The following SAMD4B variants were observed in gnomAD, a reference collection of about 807,000 sequenced individuals.
SAMD4B encodes protein Smaug homolog 2.
In SAMD4B, 5 loss-of-function variants were observed where a neutral mutation model predicts 74.5. The ratio of observed to expected loss-of-function variants is 0.07; its 90% CI spans 0.04 to 0.14. The LOEUF (loss-of-function observed/expected upper bound fraction) is 0.14, where lower values mean the gene tolerates loss of function less well. SAMD4B is among the 10% of genes least tolerant of loss of function. The pLI is 1.00. For synonymous variants in SAMD4B, 373 were observed against 374.9 expected, an observed-to-expected ratio of 1.00 and a Z score of 0.06; for missense variants, 608 against 921.8, an observed-to-expected ratio of 0.66 and a Z score of 4.41.
chr19:39,343,844 G>A (rs1035289168), intron 1 of SAMD4B, among the ~76,000 whole-genome samples: 6 of 151,662 alleles, frequency 4.0e-5, no homozygotes, highest in African/African-American at 9.7e-5. Context: ...CTCAGATCCC[G>A]TAGAACTCCC....
At position 39,385,564 on chromosome 19, in the gene SAMD4B, C is replaced by A; in HGVS notation, c.*2037C>A. ...CACCCTCCCTACCCACTTCTGTCCCCGGCCCCACTGGCAGAATCAGCTTTG... is the reference window on the plus strand; with the variant it reads ...CACCCTCCCTACCCACTTCTGTCCCAGGCCCCACTGGCAGAATCAGCTTTG... On this transcript the variant is annotated 3_prime_UTR_variant, in exon 14 of 14. Transcript: ENST00000610417. The A allele has an allele frequency of 2.0e-6, 1 of 499,458 alleles. No homozygotes were observed. Among genetic ancestry groups the A allele is most frequent in the Non-Finnish European group, 3.5e-6 (1 of 286,828 alleles). 30.9% of individuals were successfully genotyped at this position (499,458 alleles called of 1,614,324 possible).
chr19:39,349,151 A>C (rs1308946514), intron 1 of SAMD4B, among the ~76,000 whole-genome samples: 2 of 152,204 alleles, frequency 1.3e-5, no homozygotes, highest in Admixed American at 6.5e-5. Context: ...TGTGTAGCTG[A>C]CATTAAGAAA....
At chr19:39,360,280 C>G (rs572340937) in intron 3 of SAMD4B, 1 of 152,178 alleles carries the variant, frequency 6.6e-6, no homozygotes, top group Non-Finnish European at 1.5e-5. Flanking sequence ...ACCTGAGGCC[C>G]GTTCCCAGAT....
intron 1 of SAMD4B, chr19:39,352,538 T>G (rs1461538346): frequency 6.6e-6 from 1 of 151,512 alleles, no homozygotes; most frequent in East Asian, 1.9e-4. Flanking sequence ...GGACCCACAT[T>G]CCTTCATGGT....
chr19:39,364,188 A>G (rs1429484379), intron 3 of SAMD4B, among the ~76,000 whole-genome samples: 1 of 152,250 alleles, frequency 6.6e-6, no homozygotes, highest in East Asian at 1.9e-4. Context: ...GTCCCCTGGC[A>G]GTACCAGAGA....
At position 39,353,342 on chromosome 19, in the gene SAMD4B, A is replaced by C. The variant is rs551513830; in HGVS notation, c.-266-664A>C. 2.6e-5 allele frequency among the ~76,000 whole-genome samples: 4 copies of C among 152,330 alleles called. No homozygotes were observed. In the South Asian group the frequency reaches 8.3e-4, roughly 32 times the overall value. ...AATATGTATTCACTTGCAACTAGTG[A>C]AGTAGTACAAAGTTATATAAAGATA... On this transcript the variant is annotated intron_variant, in intron 1 of 13. Transcript: ENST00000610417.
intron 3 of SAMD4B, among the ~76,000 whole-genome samples, chr19:39,365,242 T>TAAAA (rs57136164): frequency 7.7e-5 from 7 of 90,886 alleles, no homozygotes; most frequent in Admixed American, 1.3e-4. Context: ...CGAGACTCCG[T>TAAAA]AAAAAAAAAA....
Position 39,378,633 on chromosome 19 carries a change from G to T in SAMD4B, c.1530+44G>T. On this transcript the variant is annotated intron_variant, in intron 9 of 13. Transcript: ENST00000610417. This position sits in a 1 kb window ranked among gnomAD's most constrained non-coding sequence, Gnocchi z 4.4. ...TACTCAAAAAGGGAAAGGCGGCCAG[G>T]CGTGGTGGTTCACGCCTGTAGTCCC... is the stretch of plus-strand genomic sequence containing the variant. The T allele has an allele frequency of 6.3e-7, 1 of 1,577,004 alleles. No homozygotes were observed. The highest frequency in any genetic ancestry group is 1.1e-5 in the South Asian group (1 of 90,114).
Position 39,375,999 on chromosome 19 carries a change from A to G in SAMD4B, c.907+110A>G, listed in dbSNP as rs538356050. ...CTGCTTACCCCTCTGAGGAGGGGAC[A>G]TGTCTGAGGGGAGTAGATAGTCCCT... On this transcript the variant is annotated intron_variant, in intron 5 of 13. Transcript: ENST00000610417. This position sits in a 1 kb window ranked among gnomAD's most constrained non-coding sequence, Gnocchi z 4.1. The G allele has an allele frequency of 9.3e-6, 13 of 1,398,684 alleles. No individual in the cohort carries two copies. Among genetic ancestry groups the G allele is most frequent in the Admixed American group, 4.3e-5 (2 of 46,778 alleles). The allele number at this position is 1,398,684 out of a possible 1,614,324, so 86.6% of individuals were successfully genotyped here.
At chr19:39,370,816 G>C (rs917909149) in intron 4 of SAMD4B, among the ~76,000 whole-genome samples, 1 of 152,200 alleles carries the variant, frequency 6.6e-6, no homozygotes, top group Admixed American at 6.5e-5. Context: ...CACTTTTCAG[G>C]TATGATCTCA....
At chr19:39,358,212 A>T (rs1354547958) in intron 3 of SAMD4B, among the ~76,000 whole-genome samples, 1 of 152,210 alleles carries the variant, frequency 6.6e-6, no homozygotes, top group Non-Finnish European at 1.5e-5. Flanking sequence ...CGGAGGTTGC[A>T]GTGAGCCAAA....
intron 3 of SAMD4B, among the ~76,000 whole-genome samples, chr19:39,363,929 A>C (rs1017380625): frequency 3.3e-5 from 5 of 152,118 alleles, no homozygotes; most frequent in Non-Finnish European, 5.9e-5. Flanking sequence ...TTCCATCCCC[A>C]CCCATTATTT....
At chr19:39,365,242 TA>T (rs57136164) in intron 3 of SAMD4B, among the ~76,000 whole-genome samples, 10,616 of 90,870 alleles carry the variant, frequency 0.12, 1,297 homozygotes, top group African/African-American at 0.35. Context: ...CGAGACTCCG[TA>T]AAAAAAAAAA....
At chr19:39,371,816 C>CA (rs35567892) in intron 4 of SAMD4B, among the ~76,000 whole-genome samples, 4,303 of 124,286 alleles carry the variant, frequency 0.035, 77 homozygotes, top group Middle Eastern at 0.091. Context: ...GACCCCATCT[C>CA]AAAAAAAAAA....
chr19:39,342,998 C>T (rs1480024435), intron 1 of SAMD4B, among the ~76,000 whole-genome samples: 2 of 151,888 alleles, frequency 1.3e-5, no homozygotes, highest in African/African-American at 4.8e-5. Flanking sequence ...AGCAGCTTTC[C>T]TCGCAGACCC....
At chr19:39,352,772 C>T (rs2076124093) in intron 1 of SAMD4B, among the ~76,000 whole-genome samples, 1 of 152,028 alleles carries the variant, frequency 6.6e-6, no homozygotes, top group East Asian at 1.9e-4. Context: ...AGGGGGGGAA[C>T]AGTGCTGTTG....
chr19:39,364,124 C>T (rs919089649), intron 3 of SAMD4B, among the ~76,000 whole-genome samples: 51 of 152,324 alleles, frequency 3.3e-4, no homozygotes, highest in African/African-American at 1.2e-3. Flanking sequence ...TCCCCTTTCT[C>T]GGCAGCAGAA....
At chr19:39,367,129 T>C (rs1184332627) in intron 3 of SAMD4B, among the ~76,000 whole-genome samples, 1 of 152,232 alleles carries the variant, frequency 6.6e-6, no homozygotes, top group South Asian at 2.1e-4. Flanking sequence ...GTGATCACAC[T>C]TGCCCAGAGT....
At position 39,370,128 on chromosome 19, in the gene SAMD4B, A is replaced by G. The variant is rs746341741; in HGVS notation, c.667+3A>G. The G allele has an allele frequency of 4.4e-6, 7 of 1,574,498 alleles. No homozygotes were observed. Among genetic ancestry groups the G allele is most frequent in the African/African-American group, 1.4e-5 (1 of 73,856 alleles). On this transcript the variant is annotated splice_donor_region_variant and intron_variant, in intron 4 of 13. Transcript: ENST00000610417. ...TATTGGGAGCAATGCAAACACAGGT[A>G]AGTGGCGGGGGTGTCCCAGAAGGCC...
Sources: gnomAD v4.1 joint callset for allele counts (sites outside exome capture counted in the v4.1 genomes callset) on GRCh38, gnomAD v4.1.1 for gene constraint, Gnocchi (gnomAD v3.1) non-coding constraint, MANE v1.5 for transcripts, NCBI Gene and HGNC (gene_info 2026-07-23, HGNC 2026-07-21) for gene names.